Variants in OPCML observed in about 807,000 individuals in gnomAD.
OPCML encodes opioid binding protein/cell adhesion molecule like, also known as opioid-binding protein/cell adhesion molecule.
In OPCML, 13 loss-of-function variants were observed where a neutral mutation model predicts 37.8. The observed-to-expected ratio is 0.34, with a 90% CI of 0.22 to 0.55. The LOEUF (loss-of-function observed/expected upper bound fraction) is 0.55, where lower values mean the gene tolerates loss of function less well. Ranked by LOEUF, OPCML falls within the 20% of genes least tolerant of loss-of-function variation. The pLI is 0.91. For missense variants in OPCML, 341 were observed against 435.6 expected (o/e 0.78, Z 1.93); for synonymous variants, 176 against 168.8 (o/e 1.04, Z -0.33).
intron 1 of OPCML, among the ~76,000 whole-genome samples, chr11:133,113,145 T>A (rs1949282834): frequency 6.6e-6 from 1 of 152,188 alleles, no homozygotes; most frequent in Non-Finnish European, 1.5e-5. Flanking sequence ...AAAAAAGCCA[T>A]CCTTTATATT....
At chr11:133,378,218 C>T (rs998160015) in intron 1 of OPCML, among the ~76,000 whole-genome samples, 19 of 152,122 alleles carry the variant, frequency 1.2e-4, no homozygotes, top group Non-Finnish European at 1.5e-5. Flanking sequence ...TCTCCTAGGG[C>T]GTCTTCATTC....
intron 1 of OPCML, among the ~76,000 whole-genome samples, chr11:133,526,158 G>A (rs1260713848): frequency 2.0e-5 from 3 of 152,166 alleles, no homozygotes; most frequent in East Asian, 1.9e-4. Context: ...GCTCTGGGGC[G>A]CAGAGGCGAG....
intron 1 of OPCML, among the ~76,000 whole-genome samples, chr11:132,990,711 G>A (rs550356203): frequency 6.6e-6 from 1 of 152,290 alleles, no homozygotes; most frequent in South Asian, 2.1e-4. Flanking sequence ...TCCATCATCA[G>A]ATAAGAAAAT....
chr11:132,794,011 CCACTCATGCCT>C (rs1489146879), intron 2 of OPCML, among the ~76,000 whole-genome samples: 1 of 152,238 alleles, frequency 6.6e-6, no homozygotes, highest in Admixed American at 6.5e-5. Flanking sequence ...GCACCAGTTT[CCACTCATGCCT>C]CATCTTCTAA....
chr11:132,715,974 T>C (rs1944460038), intron 2 of OPCML, among the ~76,000 whole-genome samples: 1 of 152,174 alleles, frequency 6.6e-6, no homozygotes, highest in South Asian at 2.1e-4. Context: ...TCCAAACAAA[T>C]TTATGTTTCT....
intron 2 of OPCML, among the ~76,000 whole-genome samples, chr11:132,814,849 A>G (rs1939540841): frequency 6.6e-6 from 1 of 152,314 alleles, no homozygotes; most frequent in South Asian, 2.1e-4. Flanking sequence ...GCAGCTCACA[A>G]GAGGCAAGTG....
At chr11:132,720,127 A>T (rs1944627428) in intron 2 of OPCML, among the ~76,000 whole-genome samples, 2 of 152,232 alleles carry the variant, frequency 1.3e-5, no homozygotes, top group African/African-American at 4.8e-5. Context: ...TTTGGATTTT[A>T]CATCAATCTC....
intron 2 of OPCML, among the ~76,000 whole-genome samples, chr11:132,694,953 A>G (rs1038652224): frequency 2.0e-5 from 3 of 152,214 alleles, no homozygotes; most frequent in East Asian, 1.9e-4. Flanking sequence ...TACCTGCGAC[A>G]TTAATGGCAT....
chr11:133,210,676 A>C (rs1396781895), intron 1 of OPCML, among the ~76,000 whole-genome samples: 1 of 152,066 alleles, frequency 6.6e-6, no homozygotes, highest in Non-Finnish European at 1.5e-5. Context: ...TCCAACATAC[A>C]TGGCTATTTT....
At chr11:133,279,106 A>C (rs1034990490) in intron 1 of OPCML, among the ~76,000 whole-genome samples, 6 of 152,198 alleles carry the variant, frequency 3.9e-5, no homozygotes, top group Non-Finnish European at 7.3e-5. Context: ...GGAAGAACTG[A>C]CAATAGAACC....
chr11:133,096,310 G>C (rs1200602169), intron 1 of OPCML, among the ~76,000 whole-genome samples: 1 of 151,964 alleles, frequency 6.6e-6, no homozygotes, highest in East Asian at 1.9e-4. Flanking sequence ...ACATAAATTA[G>C]TTGTGAATGT....
At chr11:132,878,515 A>C (rs1943107104) in intron 2 of OPCML, among the ~76,000 whole-genome samples, 1 of 152,088 alleles carries the variant, frequency 6.6e-6, no homozygotes, top group Admixed American at 6.5e-5. Context: ...TGAAACTTAC[A>C]CCAGTGGCTC....
In OPCML at chr11:133,339,035, C is replaced by T. The variant is rs563337517; in HGVS notation, c.61+193229G>A. 2.6e-5 allele frequency among the ~76,000 whole-genome samples: 4 copies of T among 152,266 alleles called. No homozygotes were observed. The South Asian group carries it at 8.3e-4, about 32-fold the overall frequency. ...CTATTGTCTCTCACCTGGTGAGACC[C>T]ACCTGTCACACCAGCATCAGGATAC... is the stretch of plus-strand genomic sequence containing the variant. On this transcript the variant is annotated intron_variant, in intron 1 of 7. Transcript: ENST00000524381.
chr11:133,122,333 T>C (rs1949434918), intron 1 of OPCML, among the ~76,000 whole-genome samples: 1 of 151,600 alleles, frequency 6.6e-6, no homozygotes. Context: ...CTTCCTGTTT[T>C]TAATCCATAG....
intron 1 of OPCML, among the ~76,000 whole-genome samples, chr11:133,381,129 G>A (rs1308016981): frequency 6.6e-6 from 1 of 152,228 alleles, no homozygotes; most frequent in Non-Finnish European, 1.5e-5. Context: ...TCTTGCCTAG[G>A]AGTGGCTTAG....
chr11:132,459,608 A>T (rs929596953), intron 4 of OPCML, among the ~76,000 whole-genome samples: 3 of 151,250 alleles, frequency 2.0e-5, no homozygotes, highest in African/African-American at 7.3e-5. Flanking sequence ...TCTCTGGAGA[A>T]CCTTGCCTAA....
intron 1 of OPCML, among the ~76,000 whole-genome samples, chr11:133,357,287 G>A (rs1944310437): frequency 1.3e-5 from 2 of 152,188 alleles, no homozygotes; most frequent in South Asian, 4.1e-4. Flanking sequence ...CTTCTTAGTA[G>A]CTGCCCAACT....
chr11:132,723,390 G>T (rs938657548), intron 2 of OPCML, among the ~76,000 whole-genome samples: 1 of 152,132 alleles, frequency 6.6e-6, no homozygotes, highest in Non-Finnish European at 1.5e-5. Context: ...TGATATCTGG[G>T]CTCTGCTATT....
chr11:132,835,616 C>A (rs67703467), intron 2 of OPCML, among the ~76,000 whole-genome samples: 10,178 of 152,274 alleles, frequency 0.067, 391 homozygotes, highest in Non-Finnish European at 0.076. Flanking sequence ...CCCCAACTTA[C>A]AATCAAGTCA....
Sources: gnomAD v4.1 joint callset for allele counts (sites outside exome capture counted in the v4.1 genomes callset) on GRCh38, gnomAD v4.1.1 for gene constraint, MANE v1.5 for transcripts, NCBI Gene and HGNC (gene_info 2026-07-23, HGNC 2026-07-21) for gene names.